DLGAP5: variants seen among roughly 807,000 people sequenced by gnomAD.
DLGAP5 encodes disks large-associated protein 5.
In DLGAP5, 90 loss-of-function variants were observed where a neutral mutation model predicts 99.6. The ratio of observed to expected loss-of-function variants is 0.90; its 90% CI spans 0.76 to 1.08. The LOEUF (loss-of-function observed/expected upper bound fraction) is 1.08. DLGAP5 is among the 50% of genes least tolerant of loss of function. DLGAP5 has a pLI of 0.00. For missense variants in DLGAP5, 1,036 were observed against 983.5 expected, an observed-to-expected ratio of 1.05 and a Z score of -0.71; for synonymous variants, 311 against 321.3, an observed-to-expected ratio of 0.97 and a Z score of 0.34.
In DLGAP5 at chr14:55,148,204, C is replaced by T. The variant is rs1881887049; in HGVS notation, c.*147G>A. Reference sequence around the variant, plus strand: ...CCACTTCCCTTGAGAAAGAGTATATCTAAAATACACTTTGATGAACACAGA... The same window carrying T: ...CCACTTCCCTTGAGAAAGAGTATATTTAAAATACACTTTGATGAACACAGA... On this transcript the variant is annotated 3_prime_UTR_variant, in exon 19 of 19. Coordinates refer to ENST00000247191, the MANE Select transcript of DLGAP5 (RefSeq NM_014750.5). The T allele has an allele frequency of 3.7e-6, 3 of 817,080 alleles. No homozygotes were observed. The highest frequency in any genetic ancestry group is 3.1e-5 in the Admixed American group (1 of 32,066). The allele number at this position is 817,080 out of a possible 1,614,324, so 50.6% of individuals were successfully genotyped here.
In DLGAP5 at chr14:55,169,425, C is replaced by A; in HGVS notation, c.1522G>T (p.Gly508Ter). 2 of 1,549,742 alleles carry A rather than the reference C, an allele frequency of 1.3e-6. No individual in the cohort carries two copies. The highest frequency in any genetic ancestry group is 1.7e-6 in the Non-Finnish European group (2 of 1,153,606). ...IKETTCTDLD[G>*]FWDMVSFQIE... ...TGAAAACTAACCATATCCCAAAATC[C>A]ATCCAGATCTGTACAGGTAGTCTCC... The change falls in exon 12 of 19, where the codon GGA becomes TGA. Residue 508 changes from glycine to a stop codon, truncating the protein, a stop_gained. Transcript: ENST00000247191. LOFTEE classifies it high-confidence loss of function.
chr14:55,177,409 C>G, intron 7 of DLGAP5, 73 bp from the exon 8 acceptor site: 6 of 1,362,080 alleles, frequency 4.4e-6, no homozygotes, highest in Non-Finnish European at 5.9e-6. Flanking sequence ...TTTTATAGGT[C>G]TGAAAATATG....
chr14:55,149,820 G>A (rs967146059), intron 18 of DLGAP5, among the ~76,000 whole-genome samples: 1 of 137,106 alleles, frequency 7.3e-6, no homozygotes, highest in Admixed American at 8.0e-5. Context: ...CGGGGCGGGG[G>A]GGGGGCATCA....
chr14:55,148,397 C>T lies in DLGAP5; in HGVS notation c.2495G>A (p.Gly832Asp). ...HQEHARHISFGGNLITFSPLQ... is the reference protein window; with the variant it reads ...HQEHARHISFDGNLITFSPLQ... Reference sequence around the variant, plus strand: ...AGGTGAAAAAGTAATCAGGTTACCACCAAAAGAAATGTGTCTGGCATGTTC... The same window carrying T: ...AGGTGAAAAAGTAATCAGGTTACCATCAAAAGAAATGTGTCTGGCATGTTC... Residue 832 changes from glycine to aspartate, a missense_variant, in exon 19 of 19, where the codon GGT (glycine) becomes GAT (aspartate). By Grantham distance (94) the Gly-to-Asp change is moderately conservative (BLOSUM62 -1). Coordinates refer to ENST00000247191, the MANE Select transcript of DLGAP5 (RefSeq NM_014750.5). 1 of 1,614,106 alleles carries T rather than the reference C, an allele frequency of 6.2e-7. No individual in the cohort carries two copies. The highest frequency in any genetic ancestry group is 8.5e-7 in the Non-Finnish European group (1 of 1,180,004).
intron 12 of DLGAP5, among the ~76,000 whole-genome samples, chr14:55,164,028 A>C (rs924191101): frequency 1.3e-5 from 2 of 152,234 alleles, no homozygotes; most frequent in African/African-American, 4.8e-5. Flanking sequence ...AGTGTATTTA[A>C]TAGGATGGAA....
intron 2 of DLGAP5, 35 bp from the exon 3 acceptor site, chr14:55,183,788 T>C: frequency 6.8e-7 from 1 of 1,466,756 alleles, no homozygotes; most frequent in South Asian, 1.4e-5. Flanking sequence ...ACACAGTATA[T>C]AAAACATTTC....
chr14:55,166,745 T>C (rs1275219228), intron 12 of DLGAP5, among the ~76,000 whole-genome samples: 1 of 151,594 alleles, frequency 6.6e-6, no homozygotes, highest in African/African-American at 2.4e-5. Flanking sequence ...AAAAAATACA[T>C]ATATATATTC....
chr14:55,189,915 TGCCAACTCTC>T (rs1408549325), intron 1 of DLGAP5, among the ~76,000 whole-genome samples: 1 of 152,114 alleles, frequency 6.6e-6, no homozygotes, highest in Non-Finnish European at 1.5e-5. Context: ...GGGCTGAAAA[TGCCAACTCTC>T]GAGAAATCCT....
At chr14:55,180,455 A>G (rs1883231931) in intron 6 of DLGAP5, among the ~76,000 whole-genome samples, 1 of 152,200 alleles carries the variant, frequency 6.6e-6, no homozygotes, top group Non-Finnish European at 1.5e-5. Flanking sequence ...AACACTGCTT[A>G]TACTAATTAA....
In DLGAP5 at chr14:55,179,673, T is replaced by A. The variant is rs373930940; in HGVS notation, c.730A>T (p.Ser244Cys). The change falls in exon 7 of 19, where the codon AGT (serine) becomes TGT (cysteine). Residue 244 changes from serine to cysteine, a missense_variant. Physicochemically the swap from Ser to Cys is moderately radical, Grantham distance 112. Transcript: ENST00000247191. ...ACATTTTTGGCAGGTCTTCCTTTAC[T>A]TGGCACCTTTCCTTCTGGTTCGTTT... Reference protein sequence around the residue: ...NENEPEGKVPSKGRPAKNVET... With the variant: ...NENEPEGKVPCKGRPAKNVET... The A allele has an allele frequency of 6.2e-7, 1 of 1,612,378 alleles. No individual in the cohort carries two copies. The highest frequency in any genetic ancestry group is 8.5e-7 in the Non-Finnish European group (1 of 1,179,338).
At position 55,151,818 on chromosome 14, in the gene DLGAP5, C is replaced by T. The variant is rs931170692; in HGVS notation, c.2245G>A (p.Val749Met). ...GAAGAATTCAGTTCCATTCCTTCCA[C>T]AACATCTGAAATTCCTTCTTTTTTG... is the stretch of plus-strand genomic sequence containing the variant. ...TNKKEGISDV[V>M]EGMELNSSIT... Residue 749 changes from valine to methionine, a missense_variant, in exon 17 of 19, where the codon GTG becomes ATG. Coordinates refer to ENST00000247191, the MANE Select transcript of DLGAP5 (RefSeq NM_014750.5). 5.6e-6 allele frequency: 9 copies of T among 1,613,882 alleles called. No individual in the cohort carries two copies. In the African/African-American group the frequency reaches 6.7e-5, roughly 12 times the overall value.
Position 55,177,124 on chromosome 14 carries a change from AGTCATAG to A in DLGAP5, c.980_986del (p.Pro327LeufsTer9). On this transcript the variant is annotated frameshift_variant, in exon 8 of 19. Coordinates refer to ENST00000247191, the MANE Select transcript of DLGAP5 (RefSeq NM_014750.5). LOFTEE classifies it high-confidence loss of function. ...TCAAAAAAGCATTGGCACTTCTGGG[AGTCATAG>A]GTGTTACTTGATAGGTCTTCAGACC... 6.4e-7 allele frequency: 1 copy of A among 1,573,894 alleles called. No homozygotes were observed. Among genetic ancestry groups the A allele is most frequent in the Non-Finnish European group, 8.6e-7 (1 of 1,164,774 alleles).
At position 55,183,609 on chromosome 14, in the gene DLGAP5, G is replaced by A. The variant is rs1228075688; in HGVS notation, c.383C>T (p.Pro128Leu). 10 of 1,594,032 alleles carry A rather than the reference G, an allele frequency of 6.3e-6. No individual in the cohort carries two copies. Among genetic ancestry groups the A allele is most frequent in the Non-Finnish European group, 8.5e-6 (10 of 1,174,126 alleles). ...ATTCTGGTTTGATAAAAGAAAACAA[G>A]GCATATCAGGTCTATAACGACCCAC... ...FKVGRYRPDM[P>L]CFLLSNQNAV... is the part of the protein sequence containing the mutation. The change falls in exon 3 of 19, where the codon CCT becomes CTT. Residue 128 changes from proline (P) to leucine (L), a missense_variant. Transcript: ENST00000247191.
intron 12 of DLGAP5, among the ~76,000 whole-genome samples, chr14:55,166,879 TA>T (rs1334737097): frequency 0.1 from 14,067 of 141,300 alleles, 628 homozygotes; most frequent in African/African-American, 0.12. Context: ...CTTTTGTGTT[TA>T]AAAAAAAAAA....
intron 10 of DLGAP5, among the ~76,000 whole-genome samples, chr14:55,173,620 T>A (rs527553068): frequency 2.7e-3 from 408 of 152,104 alleles, no homozygotes; most frequent in African/African-American, 9.5e-3. Flanking sequence ...TATATATACA[T>A]GTTGCAGGAA....
chr14:55,177,443 T>G, intron 7 of DLGAP5, 107 bp from the exon 8 acceptor site: 1 of 1,055,112 alleles, frequency 9.5e-7, no homozygotes, highest in Non-Finnish European at 1.3e-6. Context: ...ATGTTCTATG[T>G]ACATAATTTG....
At chr14:55,179,539 G>A in intron 7 of DLGAP5, 90 bp downstream of exon 7, 1 of 1,095,894 alleles carries the variant, frequency 9.1e-7, no homozygotes, top group Non-Finnish European at 1.3e-6. Context: ...TTAACCTTTT[G>A]AAGCAGTTCT....
At chr14:55,148,655 A>G in intron 18 of DLGAP5, 182 bp from the exon 19 acceptor site, 2 of 1,317,860 alleles carry the variant, frequency 1.5e-6, no homozygotes, top group Non-Finnish European at 2.1e-6. Context: ...GGACTTCAAG[A>G]CCAGCCCGAG....
chr14:55,166,174 T>TA (rs1882635315), intron 12 of DLGAP5, among the ~76,000 whole-genome samples: 1 of 152,218 alleles, frequency 6.6e-6, no homozygotes, highest in African/African-American at 2.4e-5. Context: ...TGAATAGTGA[T>TA]ATATCCATAC....
Sources: allele counts gnomAD v4.1 joint callset (sites outside exome capture counted in the v4.1 genomes callset), GRCh38; gene constraint gnomAD v4.1.1; transcripts MANE v1.5; gene names NCBI Gene and HGNC (gene_info 2026-07-23, HGNC 2026-07-21).